The following CRYBB1 variants were observed in gnomAD, a reference collection of about 807,000 sequenced individuals.
CRYBB1 encodes the protein beta-crystallin B1.
Under a neutral mutation model 29.5 loss-of-function variants are expected in CRYBB1, and 16 were observed. The ratio of observed to expected loss-of-function variants is 0.54; its 90% CI spans 0.37 to 0.82. The LOEUF (loss-of-function observed/expected upper bound fraction) is 0.82. Ranked by LOEUF, CRYBB1 falls within the 40% of genes least tolerant of loss-of-function variation. CRYBB1 has a pLI of 0.00. For missense variants in CRYBB1, 300 were observed against 350.5 expected, an observed-to-expected ratio of 0.86 and a Z score of 1.15; for synonymous variants, 127 against 136.7, an observed-to-expected ratio of 0.93 and a Z score of 0.49.
chr22:26,599,608 C>T lies in CRYBB1; in HGVS notation c.641G>A (p.Arg214Gln), dbSNP rs148440902. Reference protein sequence around the residue: ...YQYLLEPGDFRHWNEWGAFQP... With the variant: ...YQYLLEPGDFQHWNEWGAFQP... ...GAAGGCTCCCCACTCATTCCAGTGCCGGAAGTCACCAGGCTCTAGGAGGTA... is the reference window on the plus strand; with the variant it reads ...GAAGGCTCCCCACTCATTCCAGTGCTGGAAGTCACCAGGCTCTAGGAGGTA... Residue 214 changes from arginine (R) to glutamine (Q), a missense_variant, in exon 6 of 6, where the codon CGG (arginine) becomes CAG (glutamine). Coordinates refer to ENST00000647684, the MANE Select transcript of CRYBB1 (RefSeq NM_001887.4). 62 of 1,614,198 alleles carry T rather than the reference C, an allele frequency of 3.8e-5. No homozygotes were observed. The highest frequency in any genetic ancestry group is 3.5e-4 in the South Asian group (32 of 91,084).
At chr22:26,614,329 G>A (rs577870212) in intron 2 of CRYBB1, among the ~76,000 whole-genome samples, 1 of 152,290 alleles carries the variant, frequency 6.6e-6, no homozygotes, top group Admixed American at 6.5e-5. Flanking sequence ...CTACTGACAT[G>A]TGATGTCTCC....
intron 1 of CRYBB1, 36 bp from the exon 2 acceptor site, chr22:26,616,374 C>G (rs531055584): frequency 1.1e-5 from 16 of 1,441,808 alleles, no homozygotes; most frequent in East Asian, 6.8e-5. Flanking sequence ...GATGACACCC[C>G]CAAACTGCCT....
intron 4 of CRYBB1, among the ~76,000 whole-genome samples, chr22:26,605,753 T>G (rs1928959078): frequency 6.8e-6 from 1 of 147,424 alleles, no homozygotes. Context: ...TCAGGTTTAT[T>G]TTTTTTTTTT....
intron 1 of CRYBB1, among the ~76,000 whole-genome samples, chr22:26,616,562 T>TG (rs1471137566): frequency 6.6e-6 from 1 of 152,126 alleles, no homozygotes; most frequent in Non-Finnish European, 1.5e-5. Context: ...CTTTTGACCA[T>TG]GCGGTTCCCT....
chr22:26,603,263 C>T (rs2145959621), intron 4 of CRYBB1, among the ~76,000 whole-genome samples: 1 of 152,150 alleles, frequency 6.6e-6, no homozygotes, highest in Middle Eastern at 3.4e-3. Flanking sequence ...GGCATGGTGG[C>T]TCACATCTGT....
At chr22:26,606,034 G>A (rs1202270810) in intron 4 of CRYBB1, among the ~76,000 whole-genome samples, 1 of 152,184 alleles carries the variant, frequency 6.6e-6, no homozygotes, top group Non-Finnish European at 1.5e-5. Flanking sequence ...TTGTTTTAAA[G>A]CTCATCCGCT....
At chr22:26,616,372 C>G in intron 1 of CRYBB1, 34 bp from the exon 2 acceptor site, 1 of 1,439,202 alleles carries the variant, frequency 6.9e-7, no homozygotes, top group Non-Finnish European at 9.7e-7. Context: ...GGGATGACAC[C>G]CCCAAACTGC....
intron 4 of CRYBB1, among the ~76,000 whole-genome samples, chr22:26,602,342 G>A (rs1257553856): frequency 6.6e-6 from 1 of 152,106 alleles, no homozygotes; most frequent in Non-Finnish European, 1.5e-5. Flanking sequence ...CCAGCACTTT[G>A]AGAGGCCCAG....
Position 26,599,368 on chromosome 22 carries a change from A to C in CRYBB1, c.*122T>G. On this transcript the variant is annotated 3_prime_UTR_variant, in exon 6 of 6. Coordinates refer to ENST00000647684, the MANE Select transcript of CRYBB1 (RefSeq NM_001887.4). ...GTAACTATGGGGGACCTCAAGGCAC[A>C]CATCTGTTTACAGATCCAGGAGAAA... The C allele has an allele frequency of 1.1e-6, 1 of 889,450 alleles. No homozygotes were observed. Among genetic ancestry groups the C allele is most frequent in the South Asian group, 1.6e-5 (1 of 63,020 alleles). The allele number at this position is 889,450 out of a possible 1,614,324, so 55.1% of individuals were successfully genotyped here.
At chr22:26,605,886 C>A (rs2145962115) in intron 4 of CRYBB1, among the ~76,000 whole-genome samples, 1 of 152,074 alleles carries the variant, frequency 6.6e-6, no homozygotes, top group South Asian at 2.1e-4. Context: ...AGGACTGTGG[C>A]AGGGCAGAGA....
intron 2 of CRYBB1, among the ~76,000 whole-genome samples, chr22:26,613,337 C>T (rs1265951100): frequency 6.6e-6 from 1 of 152,210 alleles, no homozygotes; most frequent in Admixed American, 6.5e-5. Flanking sequence ...TGACCCAGCA[C>T]TTCCACTTCT....
rs1555940217 is a variant in CRYBB1, at chr22:26,603,137, A to AAC, written c.433-1117_433-1116insGT. On this transcript the variant is annotated intron_variant, in intron 4 of 5. Coordinates refer to ENST00000647684, the MANE Select transcript of CRYBB1 (RefSeq NM_001887.4). ...CGAGACTCCGTCTCAAAAAAAAAAA[A>AAC]AAAAAAACAAAAAACAAATCCTGCC... 3.2e-3 allele frequency among the ~76,000 whole-genome samples: 474 copies of AAC among 147,418 alleles called. 2 individuals carry two copies. The highest frequency in any genetic ancestry group is 0.011 in the African/African-American group (449 of 41,144).
In CRYBB1 at chr22:26,616,255, T is replaced by C. The variant is rs946110379; in HGVS notation, c.65A>G (p.Lys22Arg). Residue 22 changes from lysine to arginine, a missense_variant, in exon 2 of 6, where the codon AAG becomes AGG. Lys to Arg is a conservative substitution (Grantham distance 26). Transcript: ENST00000647684. Reference sequence around the variant, plus strand: ...TCCTGCAGGTGGGGCCCCCTTCCCCTTGGTGTCAGGCCCTGGGTTCACCGC... The same window carrying C: ...TCCTGCAGGTGGGGCCCCCTTCCCCCTGGTGTCAGGCCCTGGGTTCACCGC... ...TVAVNPGPDT[K>R]GKGAPPAGTS... The C allele has an allele frequency of 3.7e-6, 6 of 1,613,950 alleles. No homozygotes were observed. In the African/African-American group the frequency reaches 8.0e-5, roughly 22 times the overall value.
At position 26,599,538 on chromosome 22, in the gene CRYBB1, C is replaced by T. The variant is rs200449590; in HGVS notation, c.711G>A (p.Trp237Ter). The T allele has an allele frequency of 3.7e-6, 6 of 1,613,986 alleles. No individual in the cohort carries two copies. The Admixed American group carries it at 1.0e-4, about 27-fold the overall frequency. ...GGACAGGGAAGGACCCCTCGAGGTG[C>T]CACTGCTTGTCACGCAGGCGACGCA... The part of the protein sequence containing the change: ...QSLRRLRDKQ[W>*]HLEGSFPVLA... The change falls in exon 6 of 6, where the codon TGG becomes TGA. Residue 237 changes from tryptophan (W) to a stop codon, truncating the protein, a stop_gained. Coordinates refer to ENST00000647684, the MANE Select transcript of CRYBB1 (RefSeq NM_001887.4). LOFTEE classifies it high-confidence loss of function.
chr22:26,616,432 C>T (rs528601731), intron 1 of CRYBB1, 94 bp from the exon 2 acceptor site: 46 of 822,484 alleles, frequency 5.6e-5, no homozygotes, highest in South Asian at 4.3e-4. Flanking sequence ...CCTTGGAGCT[C>T]GTTTCCTCTC....
intron 4 of CRYBB1, among the ~76,000 whole-genome samples, chr22:26,605,872 G>T (rs562294571): frequency 6.6e-6 from 1 of 152,038 alleles, no homozygotes; most frequent in Non-Finnish European, 1.5e-5. Flanking sequence ...TGGTGGCCTG[G>T]ACCAGGACTG....
intron 4 of CRYBB1, among the ~76,000 whole-genome samples, chr22:26,605,234 T>C (rs1337149611): frequency 1.3e-5 from 2 of 152,212 alleles, no homozygotes; most frequent in African/African-American, 4.8e-5. Context: ...GTGTAACACC[T>C]ACCACAGTTT....
At chr22:26,600,732 G>A (rs1043916486) in intron 5 of CRYBB1, among the ~76,000 whole-genome samples, 25 of 152,296 alleles carry the variant, frequency 1.6e-4, no homozygotes, top group African/African-American at 6.0e-4. Context: ...TTGCTGAGAG[G>A]GTCTTTCCAG....
intron 4 of CRYBB1, among the ~76,000 whole-genome samples, chr22:26,607,653 A>C (rs1929023588): frequency 6.6e-6 from 1 of 151,916 alleles, no homozygotes. Context: ...TTTTAGCTCT[A>C]ACTTGGAAGC....
Sources: allele counts gnomAD v4.1 joint callset (sites outside exome capture counted in the v4.1 genomes callset), GRCh38; gene constraint gnomAD v4.1.1; transcripts MANE v1.5; gene names NCBI Gene and HGNC (gene_info 2026-07-23, HGNC 2026-07-21).